Variants in CWC27 observed in about 807,000 individuals in gnomAD.
CWC27 encodes the protein spliceosome-associated protein CWC27 homolog.
Under a neutral mutation model 63.6 loss-of-function variants are expected in CWC27, and 47 were observed. That is an observed-to-expected ratio of 0.74 (90% CI 0.58 to 0.94). The LOEUF is 0.94. Among genes scored for constraint, CWC27 ranks in the 40% least tolerant of loss-of-function variants. The probability of loss-of-function intolerance (pLI) is 0.00; values close to 1 mark genes in which losing one functional copy is unlikely to be tolerated. For synonymous variants in CWC27, 175 were observed against 179.8 expected, an observed-to-expected ratio of 0.97 and a Z score of 0.22; for missense variants, 495 against 554.3, an observed-to-expected ratio of 0.89 and a Z score of 1.07.
chr5:64,778,356 T>A (rs1271277196), intron 2 of CWC27, among the ~76,000 whole-genome samples: 3 of 152,148 alleles, frequency 2.0e-5, no homozygotes, highest in African/African-American at 7.2e-5. Flanking sequence ...CATGTCTCTT[T>A]CTAATATATT....
At chr5:64,852,842 C>G (rs563613627) in intron 10 of CWC27, among the ~76,000 whole-genome samples, 74 of 151,478 alleles carry the variant, frequency 4.9e-4, no homozygotes, top group African/African-American at 1.8e-3. Flanking sequence ...CAAACCCAAA[C>G]ATAAATAATT....
intron 13 of CWC27, among the ~76,000 whole-genome samples, chr5:64,986,111 A>T (rs1341666636): frequency 6.6e-6 from 1 of 152,062 alleles, no homozygotes; most frequent in Non-Finnish European, 1.5e-5. Flanking sequence ...ATAAAGAAGG[A>T]CGTGTTTGCC....
chr5:64,916,523 C>T (rs1747890022), intron 11 of CWC27, among the ~76,000 whole-genome samples: 1 of 152,010 alleles, frequency 6.6e-6, no homozygotes, highest in Admixed American at 6.6e-5. Flanking sequence ...TTAGGAGGGG[C>T]CGAAAGACCA....
intron 13 of CWC27, among the ~76,000 whole-genome samples, chr5:64,982,941 G>A (rs945054006): frequency 6.6e-6 from 1 of 152,112 alleles, no homozygotes; most frequent in African/African-American, 2.4e-5. Flanking sequence ...ATTCTCATAG[G>A]AGCGCAAACC....
At chr5:64,902,515 G>A (rs1747531955) in intron 11 of CWC27, among the ~76,000 whole-genome samples, 1 of 152,110 alleles carries the variant, frequency 6.6e-6, no homozygotes, top group African/African-American at 2.4e-5. Flanking sequence ...AACTTTTGTT[G>A]AAAATGAATT....
chr5:64,846,459 AGTT>A (rs1236809769), intron 10 of CWC27, among the ~76,000 whole-genome samples: 3 of 152,358 alleles, frequency 2.0e-5, no homozygotes, highest in East Asian at 1.9e-4. Flanking sequence ...TGCAAAGTTA[AGTT>A]GTTATCAGCT....
chr5:64,836,372 C>T (rs1209257161), intron 10 of CWC27, among the ~76,000 whole-genome samples: 1 of 151,910 alleles, frequency 6.6e-6, no homozygotes, highest in Non-Finnish European at 1.5e-5. Flanking sequence ...CTTTGCAAAG[C>T]ATTATGTGGT....
chr5:64,885,607 C>T, intron 11 of CWC27, 61 bp downstream of exon 11: 1 of 1,242,954 alleles, frequency 8.0e-7, no homozygotes, highest in African/African-American at 1.5e-5. Context: ...GTTTTCTTAG[C>T]TCCTCCCTGC....
chr5:64,870,217 A>G (rs1470206110), intron 10 of CWC27, among the ~76,000 whole-genome samples: 4 of 152,088 alleles, frequency 2.6e-5, no homozygotes, highest in South Asian at 4.1e-4. Context: ...ATCATGGTTA[A>G]TAAAATTGCC....
chr5:64,959,964 T>C (rs749259053), intron 11 of CWC27, among the ~76,000 whole-genome samples: 14 of 152,164 alleles, frequency 9.2e-5, no homozygotes, highest in Non-Finnish European at 1.5e-4. Context: ...GTTTTGAAGG[T>C]TCAAATGAGG....
chr5:64,918,740 T>A (rs1259773683), intron 11 of CWC27, among the ~76,000 whole-genome samples: 2 of 152,190 alleles, frequency 1.3e-5, no homozygotes, highest in Non-Finnish European at 2.9e-5. Flanking sequence ...TCTTCTCTGC[T>A]CTTTTTTCTT....
At chr5:64,894,633 A>G (rs575516450) in intron 11 of CWC27, among the ~76,000 whole-genome samples, 1 of 152,310 alleles carries the variant, frequency 6.6e-6, no homozygotes, top group South Asian at 2.1e-4. Flanking sequence ...TCCCCTCACT[A>G]AAAACAACGA....
chr5:64,883,751 A>T (rs184682029), intron 10 of CWC27, among the ~76,000 whole-genome samples: 1 of 152,240 alleles, frequency 6.6e-6, no homozygotes, highest in Non-Finnish European at 1.5e-5. Context: ...AGCAGACTGT[A>T]TAGGTAAACT....
At chr5:64,801,757 C>A (rs1190420134) in intron 9 of CWC27, among the ~76,000 whole-genome samples, 1 of 152,218 alleles carries the variant, frequency 6.6e-6, no homozygotes, top group East Asian at 1.9e-4. Flanking sequence ...TCAAAAGATT[C>A]TCATTCAAGA....
At chr5:64,794,533 T>C (rs923361668) in intron 7 of CWC27, among the ~76,000 whole-genome samples, 6 of 152,028 alleles carry the variant, frequency 3.9e-5, no homozygotes, top group Non-Finnish European at 7.4e-5. Flanking sequence ...TTTTATCCAG[T>C]TGTGAACGTA....
chr5:64,828,802 A>G (rs970386740), intron 10 of CWC27, among the ~76,000 whole-genome samples: 1 of 152,114 alleles, frequency 6.6e-6, no homozygotes, highest in Admixed American at 6.6e-5. Flanking sequence ...GAAAGTTCCC[A>G]GGCCACTCAC....
intron 11 of CWC27, among the ~76,000 whole-genome samples, chr5:64,944,098 T>C (rs1290918744): frequency 6.6e-6 from 1 of 152,074 alleles, no homozygotes; most frequent in Non-Finnish European, 1.5e-5. Flanking sequence ...GTTCTTTTCT[T>C]TCTGTCCTGT....
intron 13 of CWC27, among the ~76,000 whole-genome samples, chr5:65,004,861 C>CATATATATATATAT (rs1170127729): frequency 2.4e-4 from 11 of 45,480 alleles, no homozygotes; most frequent in Admixed American, 4.0e-4. Flanking sequence ...AAGACTTTTT[C>CATATATATATATAT]ATATATATAT....
At chr5:64,921,877 G>GCTTGT (rs1748005831) in intron 11 of CWC27, among the ~76,000 whole-genome samples, 1 of 152,174 alleles carries the variant, frequency 6.6e-6, no homozygotes, top group Non-Finnish European at 1.5e-5. Context: ...CTTAGCATTT[G>GCTTGT]CTTGTCTGAA....
Sources: gnomAD v4.1 joint callset for allele counts (sites outside exome capture counted in the v4.1 genomes callset) on GRCh38, gnomAD v4.1.1 for gene constraint, MANE v1.5 for transcripts, NCBI Gene and HGNC (gene_info 2026-07-23, HGNC 2026-07-21) for gene names.